Variants in KHDRBS2 observed in about 807,000 individuals in gnomAD.
KHDRBS2 encodes the protein KH domain-containing, RNA-binding, signal transduction-associated protein 2.
In KHDRBS2, 26 loss-of-function variants were observed where a neutral mutation model predicts 44.3. The observed-to-expected ratio is 0.59, with a 90% CI of 0.43 to 0.81. KHDRBS2 has a LOEUF of 0.81. KHDRBS2 is among the 40% of genes least tolerant of loss of function. KHDRBS2 has a pLI of 0.00. For synonymous variants in KHDRBS2, 194 were observed against 151.1 expected (o/e 1.28, Z -2.08); for missense variants, 476 against 433.1 (o/e 1.10, Z -0.88).
intron 6 of KHDRBS2, among the ~76,000 whole-genome samples, chr6:61,807,763 C>T (rs1787398631): frequency 6.6e-6 from 1 of 152,000 alleles, no homozygotes; most frequent in South Asian, 2.1e-4. Context: ...GTACACTAAA[C>T]CCTCATGGCA....
chr6:61,706,464 T>C (rs1193930289), intron 7 of KHDRBS2, among the ~76,000 whole-genome samples: 6 of 151,878 alleles, frequency 4.0e-5, no homozygotes, highest in South Asian at 2.1e-4. Flanking sequence ...GGATAAGACA[T>C]GGGCTGAGAG....
intron 2 of KHDRBS2, among the ~76,000 whole-genome samples, chr6:62,081,642 G>A (rs1475078546): frequency 2.0e-5 from 3 of 152,064 alleles, no homozygotes. Context: ...GTACTGAATG[G>A]TAGCACATTT....
the KHDRBS2 span, among the ~76,000 whole-genome samples, chr6:61,604,014 G>T: frequency 1.3e-5 from 2 of 152,098 alleles, no homozygotes; most frequent in African/African-American, 4.8e-5. Flanking sequence ...TATCATTGAG[G>T]CTACCGCTCT....
the KHDRBS2 span, among the ~76,000 whole-genome samples, chr6:61,575,825 C>G: frequency 6.6e-6 from 1 of 151,958 alleles, no homozygotes; most frequent in Non-Finnish European, 1.5e-5. Context: ...GAGTTGAAGA[C>G]CATTATTCTA....
At chr6:61,585,154 A>C in the KHDRBS2 span, among the ~76,000 whole-genome samples, 1 of 151,928 alleles carries the variant, frequency 6.6e-6, no homozygotes. Context: ...TTTACTTAAA[A>C]CCCATTGTGG....
chr6:61,976,935 A>G (rs568175814), intron 4 of KHDRBS2, among the ~76,000 whole-genome samples: 5 of 152,284 alleles, frequency 3.3e-5, no homozygotes, highest in African/African-American at 1.2e-4. Flanking sequence ...ATCAGATAAT[A>G]AATTGTGCAG....
chr6:61,786,787 T>C (rs1783890505), intron 6 of KHDRBS2, among the ~76,000 whole-genome samples: 1 of 151,842 alleles, frequency 6.6e-6, no homozygotes, highest in East Asian at 1.9e-4. Flanking sequence ...AGTTTAGATC[T>C]TTTTGCTGGT....
intron 2 of KHDRBS2, among the ~76,000 whole-genome samples, chr6:62,109,569 T>G (rs986648551): frequency 2.6e-5 from 4 of 151,882 alleles, no homozygotes; most frequent in African/African-American, 9.7e-5. Flanking sequence ...AAGCTACCAA[T>G]AGATAAGTTT....
the KHDRBS2 span, among the ~76,000 whole-genome samples, chr6:61,560,402 C>T: frequency 9.2e-5 from 14 of 152,220 alleles, no homozygotes; most frequent in Non-Finnish European, 1.5e-4. Flanking sequence ...CTTCCTACCC[C>T]TATCTCCCTA....
intron 2 of KHDRBS2, among the ~76,000 whole-genome samples, chr6:62,078,021 A>G (rs971125401): frequency 3.3e-5 from 5 of 152,088 alleles, no homozygotes; most frequent in Non-Finnish European, 7.4e-5. Context: ...CACACGTAGC[A>G]TCATTACAAT....
At chr6:61,797,671 C>T (rs550638367) in intron 6 of KHDRBS2, among the ~76,000 whole-genome samples, 2 of 151,498 alleles carry the variant, frequency 1.3e-5, no homozygotes, top group Non-Finnish European at 1.5e-5. Context: ...TAACATAATG[C>T]TCCTAAGAAA....
the KHDRBS2 span, among the ~76,000 whole-genome samples, chr6:61,622,060 C>G: frequency 1.4e-3 from 208 of 152,286 alleles, no homozygotes; most frequent in African/African-American, 4.6e-3. Context: ...CTTGTGAGAA[C>G]CTGGGCAGAG....
the KHDRBS2 span, among the ~76,000 whole-genome samples, chr6:61,631,515 T>A: frequency 5.9e-5 from 9 of 152,122 alleles, no homozygotes; most frequent in African/African-American, 1.9e-4. Context: ...TAAAGGGCTA[T>A]CTGTTGAATT....
At chr6:61,575,967 G>A in the KHDRBS2 span, among the ~76,000 whole-genome samples, 2 of 152,084 alleles carry the variant, frequency 1.3e-5, no homozygotes, top group Non-Finnish European at 2.9e-5. Flanking sequence ...GGGTAGGAGA[G>A]GGGTGAGGGA....
At chr6:61,994,429 A>T (rs1478071564) in intron 3 of KHDRBS2, among the ~76,000 whole-genome samples, 1 of 152,170 alleles carries the variant, frequency 6.6e-6, no homozygotes, top group Admixed American at 6.5e-5. Context: ...CCCTTTTGAG[A>T]CTGCCTACAT....
chr6:61,960,085 CT>C (rs1768304682), intron 4 of KHDRBS2, among the ~76,000 whole-genome samples: 2 of 35,334 alleles, frequency 5.7e-5, no homozygotes, highest in African/African-American at 8.6e-4. Flanking sequence ...TTTCCCTGTA[CT>C]TTTCAGGCCC....
intron 6 of KHDRBS2, among the ~76,000 whole-genome samples, chr6:61,831,119 T>C (rs1393480182): frequency 2.0e-5 from 3 of 152,174 alleles, no homozygotes; most frequent in African/African-American, 7.2e-5. Flanking sequence ...TTCTTCTTTT[T>C]GAAGTTGGTA....
intron 2 of KHDRBS2, among the ~76,000 whole-genome samples, chr6:62,062,006 C>T (rs1348288361): frequency 6.6e-6 from 1 of 151,904 alleles, no homozygotes; most frequent in Non-Finnish European, 1.5e-5. Flanking sequence ...AGTTCTCGAG[C>T]CTTGGTTTTC....
At chr6:62,208,701 G>A (rs1828478645) in intron 1 of KHDRBS2, among the ~76,000 whole-genome samples, 1 of 152,104 alleles carries the variant, frequency 6.6e-6, no homozygotes, top group African/African-American at 2.4e-5. Flanking sequence ...CCTACCAAGA[G>A]TATACTAGGA....
Sources: gnomAD v4.1 joint callset for allele counts (sites outside exome capture counted in the v4.1 genomes callset) on GRCh38, gnomAD v4.1.1 for gene constraint, MANE v1.5 for transcripts, NCBI Gene and HGNC (gene_info 2026-07-23, HGNC 2026-07-21) for gene names.